PCDHGA3: variants seen among roughly 807,000 people sequenced by gnomAD.
PCDHGA3 encodes the protein protocadherin gamma-A3.
In PCDHGA3, 40 loss-of-function variants were observed where a neutral mutation model predicts 58.5. The observed-to-expected ratio is 0.68, with a 90% CI of 0.53 to 0.89. The LOEUF (loss-of-function observed/expected upper bound fraction) is 0.89, where lower values mean the gene tolerates loss of function less well. Among genes scored for constraint, PCDHGA3 ranks in the 40% least tolerant of loss-of-function variants. The pLI is 0.00. For missense variants in PCDHGA3, 1,223 were observed against 1,195.9 expected (o/e 1.02, Z -0.33); for synonymous variants, 530 against 525.7 (o/e 1.01, Z -0.11).
intron 1 of PCDHGA3, chr5:141,423,722 G>T: frequency 1.0e-6 from 1 of 954,174 alleles, no homozygotes; most frequent in Non-Finnish European, 1.3e-6. Flanking sequence ...TTAAGGAGAT[G>T]TTTTTTGAGC....
At chr5:141,394,021 GA>G (rs2092902279) in intron 1 of PCDHGA3, 1 of 1,613,362 alleles carries the variant, frequency 6.2e-7, no homozygotes, top group Non-Finnish European at 8.5e-7. Context: ...AATTATTATA[GA>G]TTAGTGACAA....
chr5:141,492,043 TC>T (rs1323524482), intron 1 of PCDHGA3: 5 of 518,152 alleles, frequency 9.6e-6, no homozygotes, highest in Non-Finnish European at 1.7e-5. Context: ...CAGTCACAGA[TC>T]CACCCCTGCA....
intron 1 of PCDHGA3, chr5:141,356,387 A>G: frequency 5.7e-6 from 9 of 1,572,378 alleles, no homozygotes; most frequent in Admixed American, 1.9e-5. Flanking sequence ...ACACTTGAAA[A>G]GACCTATGGA....
chr5:141,421,216 T>G, intron 1 of PCDHGA3: 1 of 1,567,154 alleles, frequency 6.4e-7, no homozygotes, highest in Non-Finnish European at 8.6e-7. Flanking sequence ...GAATATCGGC[T>G]TAGAGCCTGC....
intron 1 of PCDHGA3, chr5:141,399,759 G>A: frequency 1.2e-6 from 2 of 1,613,348 alleles, no homozygotes; most frequent in Non-Finnish European, 1.7e-6. Flanking sequence ...ACGTGAGCCT[G>A]CGCGTGTTGG....
At chr5:141,410,189 G>A in intron 1 of PCDHGA3, 1 of 1,613,992 alleles carries the variant, frequency 6.2e-7, no homozygotes, top group Non-Finnish European at 8.5e-7. Context: ...GCTTCATCTG[G>A]TCTTCGCAGA....
At chr5:141,428,041 TG>T (rs1260865435) in intron 1 of PCDHGA3, 1 of 1,608,448 alleles carries the variant, frequency 6.2e-7, no homozygotes, top group African/African-American at 1.3e-5. Flanking sequence ...GGCTACCTGG[TG>T]ACCAAGGTGG....
Position 141,494,869 on chromosome 5 carries a change from G to A in PCDHGA3, c.2483+4G>A. 6.2e-7 allele frequency: 1 copy of A among 1,614,144 alleles called. No individual in the cohort carries two copies. Among genetic ancestry groups the A allele is most frequent in the Non-Finnish European group, 8.5e-7 (1 of 1,180,010 alleles). On this transcript the variant is annotated splice_donor_region_variant and intron_variant, in intron 2 of 3. Coordinates refer to ENST00000253812, the MANE Select transcript of PCDHGA3 (RefSeq NM_018916.4). The stretch of plus-strand genomic sequence containing the variant: ...CCCAGAGACCCGGCACCAGCGGGTA[G>A]GTGACTGATTCTCCAGCCCACCCTC...
intron 1 of PCDHGA3, chr5:141,355,219 C>A (rs768131751): frequency 3.1e-6 from 5 of 1,605,648 alleles, no homozygotes; most frequent in Non-Finnish European, 4.3e-6. Flanking sequence ...GCCTCCTGCT[C>A]GCCCAGACCA....
At chr5:141,433,391 CTA>C (rs1477426085) in intron 1 of PCDHGA3, among the ~76,000 whole-genome samples, 3 of 151,570 alleles carry the variant, frequency 2.0e-5, no homozygotes, top group African/African-American at 7.3e-5. Context: ...ATCTATCTAT[CTA>C]TCTATCTATC....
intron 1 of PCDHGA3, chr5:141,355,796 C>G: frequency 1.2e-6 from 2 of 1,613,556 alleles, no homozygotes; most frequent in Non-Finnish European, 1.7e-6. Context: ...CTGGAACGCG[C>G]TCTAGATCGC....
intron 1 of PCDHGA3, chr5:141,372,371 G>A: frequency 6.2e-7 from 1 of 1,613,974 alleles, no homozygotes; most frequent in Non-Finnish European, 8.5e-7. Flanking sequence ...CCACCGTCAT[G>A]CTGCACCTAA....
intron 1 of PCDHGA3, among the ~76,000 whole-genome samples, chr5:141,362,919 G>A (rs1391703031): frequency 6.6e-6 from 1 of 152,202 alleles, no homozygotes; most frequent in East Asian, 1.9e-4. Flanking sequence ...ATACTTCAGA[G>A]TAAAGAGAGT....
intron 1 of PCDHGA3, chr5:141,388,760 G>T: frequency 6.2e-7 from 1 of 1,613,930 alleles, no homozygotes; most frequent in Non-Finnish European, 8.5e-7. Flanking sequence ...AATTTGACCT[G>T]AACTCTAACA....
rs1267535064 is a variant in PCDHGA3, at chr5:141,395,542, T to TTGTTTGTG, written c.2424+49088_2424+49089insTTGTGTGT. On this transcript the variant is annotated intron_variant, in intron 1 of 3. Coordinates refer to ENST00000253812, the MANE Select transcript of PCDHGA3 (RefSeq NM_018916.4). Reference sequence around the variant, plus strand: ...TCCATACTGGTAATTTTGCTATTGTTTGTGTGTGTGTGTGTGTGTGTGTGT... The same window carrying TTGTTTGTG: ...TCCATACTGGTAATTTTGCTATTGTTTGTTTGTGTGTGTGTGTGTGTGTGTGTGTGTGT... 308 of 172,612 alleles carry TTGTTTGTG rather than the reference T, an allele frequency of 1.8e-3. 2 individuals are homozygous for TTGTTTGTG. Among genetic ancestry groups the TTGTTTGTG allele is most frequent in the African/African-American group, 0.017 (292 of 17,534 alleles). The allele number at this position is 172,612 out of a possible 1,614,324, so 10.7% of individuals were successfully genotyped here.
Position 141,476,075 on chromosome 5 carries a change from G to T in PCDHGA3, c.2425-18732G>T. ...TGAAAGTTTCTCAGCGAAATCTCAG[G>T]GACGATCTGGACCCCGCTGAGAGGA... On this transcript the variant is annotated intron_variant, in intron 1 of 3. Coordinates refer to ENST00000253812, the MANE Select transcript of PCDHGA3 (RefSeq NM_018916.4). This position sits in a 1 kb window ranked among gnomAD's most constrained non-coding sequence, Gnocchi z 7.6. The T allele has an allele frequency of 6.6e-7, 1 of 1,526,282 alleles. No homozygotes were observed. The highest frequency in any genetic ancestry group is 1.3e-5 in the South Asian group (1 of 78,462). The allele number at this position is 1,526,282 out of a possible 1,614,324, so 94.5% of individuals were successfully genotyped here.
intron 1 of PCDHGA3, among the ~76,000 whole-genome samples, chr5:141,450,485 T>A (rs1382219564): frequency 6.6e-6 from 1 of 152,160 alleles, no homozygotes; most frequent in Non-Finnish European, 1.5e-5. Flanking sequence ...GTTTGTTTGT[T>A]TGTCTGTTTG....
rs115565444 is a variant in PCDHGA3, at chr5:141,487,520, G to A, written c.2425-7287G>A. On this transcript the variant is annotated intron_variant, in intron 1 of 3. Transcript: ENST00000253812. This position sits in a 1 kb window ranked among gnomAD's most constrained non-coding sequence, Gnocchi z 5.0. ...CTTGGCTTCTGCACCCACTCGGAGT[G>A]ATAGCTTCATGATGGTGAAGTCACC... is the stretch of plus-strand genomic sequence containing the variant. The A allele has an allele frequency of 3.3e-4, 540 of 1,614,166 alleles. 6 individuals carry two copies. The East Asian group carries it at 8.7e-3, about 26-fold the overall frequency.
intron 1 of PCDHGA3, chr5:141,364,348 G>A: frequency 6.5e-7 from 1 of 1,544,604 alleles, no homozygotes; most frequent in Non-Finnish European, 8.7e-7. Context: ...GTCCACCTAG[G>A]GGCTGGGGCT....
Sources: gnomAD v4.1 joint callset for allele counts (sites outside exome capture counted in the v4.1 genomes callset) on GRCh38, gnomAD v4.1.1 for gene constraint, Gnocchi (gnomAD v3.1) non-coding constraint, MANE v1.5 for transcripts, NCBI Gene and HGNC (gene_info 2026-07-23, HGNC 2026-07-21) for gene names.